Variants in OR4Q3 observed in about 807,000 individuals in gnomAD.
OR4Q3 encodes olfactory receptor family 4 subfamily Q member 3, also known as olfactory receptor 4Q3.
A neutral mutation model predicts 18.8 loss-of-function variants in OR4Q3; 17 were observed. The observed-to-expected ratio is 0.91, with a 90% CI of 0.62 to 1.36. OR4Q3 has a LOEUF of 1.36. Ranked by LOEUF, OR4Q3 falls within the 40% of genes most tolerant of loss-of-function variation. The pLI, the probability that OR4Q3 is intolerant of heterozygous loss-of-function variation, is 0.00. For synonymous variants in OR4Q3, 158 were observed against 145.8 expected (o/e 1.08, Z -0.60); for missense variants, 378 against 373.4 (o/e 1.01, Z -0.10).
At chr14:19,751,551 A>G, downstream of OR4Q3, among the ~76,000 whole-genome samples, 1 of 151,098 alleles carries the variant, frequency 6.6e-6, no homozygotes, top group African/African-American at 2.4e-5. Flanking sequence ...TTTTTAAATT[A>G]CTGATTCAAT....
downstream of OR4Q3, among the ~76,000 whole-genome samples, chr14:19,751,979 A>C: frequency 6.6e-6 from 1 of 152,222 alleles, no homozygotes; most frequent in Non-Finnish European, 1.5e-5. Context: ...AAGTGCAGGA[A>C]GATGAAGCTA....
downstream of OR4Q3, among the ~76,000 whole-genome samples, chr14:19,750,476 T>A: frequency 6.6e-6 from 1 of 152,270 alleles, no homozygotes; most frequent in African/African-American, 2.4e-5. Flanking sequence ...ACAATGTTTT[T>A]TATATTTTGT....
At chr14:19,749,903 TTTC>T, downstream of OR4Q3, among the ~76,000 whole-genome samples, 2 of 8,562 alleles carry the variant, frequency 2.3e-4, no homozygotes, top group East Asian at 9.1e-3. Flanking sequence ...TCTTTCTTTC[TTTC>T]TTTTTTCTTT....
chr14:19,747,925 G>T, exon 2 of OR4Q3: 3 of 1,614,006 alleles, frequency 1.9e-6, no homozygotes, highest in South Asian at 1.1e-5. Context: ...TAGTCATCCA[G>T]CTGCCTTTCT....
intron 1 of OR4Q3, among the ~76,000 whole-genome samples, 151 bp downstream of exon 1, chr14:19,743,822 T>C (rs1877369242): frequency 2.0e-5 from 3 of 152,346 alleles, no homozygotes; most frequent in Non-Finnish European, 4.4e-5. Flanking sequence ...TTTGAGTTTT[T>C]TGTTTTAAAT....
chr14:19,747,409 A>G, exon 2 of OR4Q3: 3 of 1,515,090 alleles, frequency 2.0e-6, no homozygotes, highest in Non-Finnish European at 2.7e-6. Context: ...TCTTTAGGTC[A>G]CTTGATATTC....
chr14:19,743,947 C>T (rs1285669747), intron 1 of OR4Q3, among the ~76,000 whole-genome samples: 1 of 152,168 alleles, frequency 6.6e-6, no homozygotes, highest in African/African-American at 2.4e-5. Context: ...CCCAAATTCA[C>T]ATAATGGAAG....
chr14:19,750,553 T>C, downstream of OR4Q3, among the ~76,000 whole-genome samples: 1 of 152,362 alleles, frequency 6.6e-6, no homozygotes, highest in Non-Finnish European at 1.5e-5. Context: ...AATATACCTG[T>C]GAAAAAAATG....
At chr14:19,750,776 G>A, downstream of OR4Q3, among the ~76,000 whole-genome samples, 1 of 152,234 alleles carries the variant, frequency 6.6e-6, no homozygotes, top group East Asian at 1.9e-4. Context: ...TGCCATTTGG[G>A]AGATTTCTAA....
downstream of OR4Q3, among the ~76,000 whole-genome samples, chr14:19,749,717 T>G: frequency 6.7e-6 from 1 of 150,278 alleles, no homozygotes; most frequent in Non-Finnish European, 1.5e-5. Context: ...TACAGATTGC[T>G]TCTTTCTTTC....
intron 1 of OR4Q3, among the ~76,000 whole-genome samples, chr14:19,746,601 T>G: frequency 6.6e-6 from 1 of 152,146 alleles, no homozygotes; most frequent in Non-Finnish European, 1.5e-5. Context: ...TCATCCCGAG[T>G]CTGACGCTTC....
intron 1 of OR4Q3, 116 bp downstream of exon 1, chr14:19,743,787 G>GATC (rs1372970077): frequency 2.0e-5 from 3 of 149,864 alleles, no homozygotes; most frequent in African/African-American, 4.9e-5. Flanking sequence ...CTCTGGCATT[G>GATC]ATCATTTTTA....
At chr14:19,748,311 T>G in exon 2 of OR4Q3, 1 of 1,613,690 alleles carries the variant, frequency 6.2e-7, no homozygotes, top group South Asian at 1.1e-5. Flanking sequence ...AATACTGATA[T>G]GAAGACAGCT....
downstream of OR4Q3, among the ~76,000 whole-genome samples, chr14:19,751,476 G>T: frequency 6.6e-6 from 1 of 151,788 alleles, no homozygotes; most frequent in Non-Finnish European, 1.5e-5. Context: ...TTCTTTATAT[G>T]TCTGGTAGAA....
chr14:19,747,821 C>T lies in OR4Q3; in HGVS notation c.418C>T (p.Arg140Cys). 1.2e-4 allele frequency: 201 copies of T among 1,613,972 alleles called. 1 individual carries two copies. The highest frequency in any genetic ancestry group is 3.3e-4 in the Middle Eastern group (2 of 6,054). Reference sequence around the variant, plus strand: ...GTATGTTGCCATCTGTAACCCTTTGCGCTACCTTACAGTCATGAACCCCCA... The same window carrying T: ...GTATGTTGCCATCTGTAACCCTTTGTGCTACCTTACAGTCATGAACCCCCA... Residue 140 changes from arginine (R) to cysteine (C), a missense_variant, in exon 2 of 2, where the codon CGC becomes TGC. Physicochemically the swap from Arg to Cys is radical, Grantham distance 180. Transcript: ENST00000642117.
chr14:19,749,023 T>G, exon 2 of OR4Q3: 1 of 152,592 alleles, frequency 6.6e-6, no homozygotes, highest in Admixed American at 6.5e-5. Flanking sequence ...TAGTATTCTG[T>G]TGTAGAGGCT....
In OR4Q3 at chr14:19,747,662, G is replaced by C; in HGVS notation, c.259G>C (p.Val87Leu). 2.7e-5 allele frequency: 43 copies of C among 1,613,882 alleles called. No homozygotes were observed. The highest frequency in any genetic ancestry group is 3.6e-5 in the Non-Finnish European group (43 of 1,179,944). The change falls in exon 2 of 2, where the codon GTG becomes CTG. Residue 87 changes from valine to leucine, a missense_variant. Val to Leu is a conservative substitution (Grantham distance 32). Coordinates refer to ENST00000642117, the Ensembl canonical transcript of OR4Q3. ...TGACCTATGCCTGAGCTGTGTTACT[G>C]TGCCAAAGATGTTAGGGGATTTCCT... is the stretch of plus-strand genomic sequence containing the variant.
chr14:19,748,190 T>C lies in OR4Q3; in HGVS notation c.787T>C (p.Cys263Arg). The change falls in exon 2 of 2, where the codon TGC (cysteine) becomes CGC (arginine). Residue 263 changes from cysteine to arginine, a missense_variant. Cys to Arg is a radical substitution (Grantham distance 180). Transcript: ENST00000642117. ...AGTGGTCAGCCTGATCTTCGTGCCATGCGTATTCATCTATTTGAGGCCTTT... is the reference window on the plus strand; with the variant it reads ...AGTGGTCAGCCTGATCTTCGTGCCACGCGTATTCATCTATTTGAGGCCTTT... 6 of 1,614,128 alleles carry C rather than the reference T, an allele frequency of 3.7e-6. No individual in the cohort carries two copies. The African/African-American group carries it at 5.3e-5, about 14-fold the overall frequency.
exon 2 of OR4Q3, chr14:19,749,245 T>C: frequency 6.6e-6 from 1 of 152,262 alleles, no homozygotes; most frequent in Non-Finnish European, 1.5e-5. Context: ...CTTTGAGGAA[T>C]AAATTTACTT....
Sources: allele counts gnomAD v4.1 joint callset (sites outside exome capture counted in the v4.1 genomes callset), GRCh38; gene constraint gnomAD v4.1.1; transcripts MANE v1.5; gene names NCBI Gene and HGNC (gene_info 2026-07-23, HGNC 2026-07-21).